RPS6KC1: variants seen among roughly 807,000 people sequenced by gnomAD.
RPS6KC1 encodes the protein ribosomal protein S6 kinase C1, also known as inactive ribosomal protein S6 kinase delta-1.
A neutral mutation model predicts 103.8 loss-of-function variants in RPS6KC1; 54 were observed. The ratio of observed to expected loss-of-function variants is 0.52; its 90% CI spans 0.42 to 0.65. The LOEUF (loss-of-function observed/expected upper bound fraction) is 0.65. Ranked by LOEUF, RPS6KC1 falls within the 30% of genes least tolerant of loss-of-function variation. The pLI is 0.00. For synonymous variants in RPS6KC1, 439 were observed against 438.7 expected (o/e 1.00, Z -0.01); for missense variants, 1,151 against 1,253.8 (o/e 0.92, Z 1.24).
chr1:213,855,715 C>T, the RPS6KC1 span, among the ~76,000 whole-genome samples: 1 of 152,238 alleles, frequency 6.6e-6, no homozygotes, highest in Non-Finnish European at 1.5e-5. Context: ...CACTGCAAAT[C>T]ACTGCTCCTT....
intron 3 of RPS6KC1, among the ~76,000 whole-genome samples, chr1:213,091,308 C>T (rs886826769): frequency 2.0e-5 from 3 of 152,024 alleles, no homozygotes; most frequent in Non-Finnish European, 4.4e-5. Context: ...GATCTGCCTG[C>T]CTCAGCCTCC....
chr1:213,779,378 C>G, the RPS6KC1 span, among the ~76,000 whole-genome samples: 575 of 152,310 alleles, frequency 3.8e-3, 3 homozygotes, highest in Non-Finnish European at 6.8e-3. Context: ...CACCCTGCTG[C>G]CTATCTAACT....
At chr1:213,324,613 T>C in the RPS6KC1 span, among the ~76,000 whole-genome samples, 1 of 150,446 alleles carries the variant, frequency 6.6e-6, no homozygotes, top group African/African-American at 2.5e-5. Flanking sequence ...TTTTTTTTTT[T>C]TTTTTAAGCT....
At chr1:213,449,892 C>A in the RPS6KC1 span, among the ~76,000 whole-genome samples, 1 of 152,188 alleles carries the variant, frequency 6.6e-6, no homozygotes, top group Non-Finnish European at 1.5e-5. Flanking sequence ...ACCTCCTATT[C>A]TTCAGAAATT....
chr1:213,369,287 C>T, the RPS6KC1 span, among the ~76,000 whole-genome samples: 2 of 152,310 alleles, frequency 1.3e-5, no homozygotes, highest in Non-Finnish European at 1.5e-5. Context: ...GACATTCTAC[C>T]ATTACATTGC....
At chr1:213,420,063 T>C in the RPS6KC1 span, among the ~76,000 whole-genome samples, 1 of 152,180 alleles carries the variant, frequency 6.6e-6, no homozygotes, top group Non-Finnish European at 1.5e-5. Context: ...GGAGCCTGAG[T>C]GCCTTGTCGA....
chr1:213,060,524 G>C (rs558799371), intron 1 of RPS6KC1, among the ~76,000 whole-genome samples: 241 of 152,202 alleles, frequency 1.6e-3, no homozygotes, highest in African/African-American at 5.6e-3. Context: ...TTTTTAACTT[G>C]TAATATTGTT....
At chr1:213,060,967 G>C (rs952346066) in intron 1 of RPS6KC1, among the ~76,000 whole-genome samples, 1 of 151,790 alleles carries the variant, frequency 6.6e-6, no homozygotes, top group African/African-American at 2.4e-5. Context: ...TGCAGGCTGG[G>C]AAGTCCAAGA....
At chr1:213,601,798 G>T in the RPS6KC1 span, among the ~76,000 whole-genome samples, 1 of 152,016 alleles carries the variant, frequency 6.6e-6, no homozygotes, top group Admixed American at 6.5e-5. Flanking sequence ...GAGTTTCTAA[G>T]AGGCTGGAGA....
chr1:213,612,407 A>G, the RPS6KC1 span, among the ~76,000 whole-genome samples: 1 of 152,158 alleles, frequency 6.6e-6, no homozygotes, highest in Non-Finnish European at 1.5e-5. Flanking sequence ...ACCATATGAC[A>G]TGGGGTAAGA....
the RPS6KC1 span, among the ~76,000 whole-genome samples, chr1:213,807,654 T>C: frequency 3.3e-5 from 5 of 152,106 alleles, no homozygotes; most frequent in Non-Finnish European, 7.3e-5. Flanking sequence ...CACTTCTCTG[T>C]ATTGGTTATT....
At position 213,272,570 on chromosome 1, in the gene RPS6KC1, G is replaced by C; in HGVS notation, c.3137G>C (p.Gly1046Ala). Residue 1046 changes from glycine (G) to alanine (A), a missense_variant, in exon 15 of 15, where the codon GGT becomes GCT. Physicochemically the swap from Gly to Ala is moderately conservative, Grantham distance 60 (BLOSUM62 0). Transcript: ENST00000366960. ...GAACGACTTGGTGCTGGAGTTGCTGGTGTTGAAGATATCAAATCTCATCCA... is the reference window on the plus strand; with the variant it reads ...GAACGACTTGGTGCTGGAGTTGCTGCTGTTGAAGATATCAAATCTCATCCA... Reference protein sequence around the residue: ...PLERLGAGVAGVEDIKSHPFF... With the variant: ...PLERLGAGVAAVEDIKSHPFF... 6.2e-7 allele frequency: 1 copy of C among 1,613,990 alleles called. No individual in the cohort carries two copies. Among genetic ancestry groups the C allele is most frequent in the East Asian group, 2.2e-5 (1 of 44,874 alleles).
chr1:213,571,362 T>C, the RPS6KC1 span, among the ~76,000 whole-genome samples: 4 of 152,152 alleles, frequency 2.6e-5, no homozygotes, highest in Non-Finnish European at 4.4e-5. Context: ...GGGGCTATGA[T>C]AGGTCTGGAG....
intron 6 of RPS6KC1, among the ~76,000 whole-genome samples, chr1:213,155,683 C>T (rs908036627): frequency 6.6e-6 from 1 of 152,076 alleles, no homozygotes; most frequent in Non-Finnish European, 1.5e-5. Context: ...TGTATCTTTT[C>T]AGTGCCCCTT....
chr1:213,118,957 C>T (rs765287954), intron 5 of RPS6KC1, among the ~76,000 whole-genome samples: 5 of 151,876 alleles, frequency 3.3e-5, no homozygotes, highest in African/African-American at 9.7e-5. Context: ...GAGATCCTTG[C>T]GAAGGTTTGG....
the RPS6KC1 span, among the ~76,000 whole-genome samples, chr1:213,290,771 C>T: frequency 2.6e-5 from 4 of 152,102 alleles, no homozygotes; most frequent in Admixed American, 2.0e-4. Context: ...CCATGGGGTG[C>T]GTGAGGGACC....
chr1:213,176,298 TATG>T, intron 7 of RPS6KC1, 99 bp from the exon 8 acceptor site: 1 of 585,880 alleles, frequency 1.7e-6, no homozygotes, highest in Non-Finnish European at 3.0e-6. Flanking sequence ...TTCTCTGATT[TATG>T]ATGAATTTAC....
intron 8 of RPS6KC1, among the ~76,000 whole-genome samples, chr1:213,229,814 A>G (rs2094047449): frequency 6.6e-6 from 1 of 152,156 alleles, no homozygotes; most frequent in African/African-American, 2.4e-5. Context: ...TTATGTTTTA[A>G]AAAGAAAACC....
chr1:213,372,440 G>A, the RPS6KC1 span, among the ~76,000 whole-genome samples: 43 of 152,200 alleles, frequency 2.8e-4, no homozygotes, highest in African/African-American at 1.0e-3. Context: ...CTGGCCTTAC[G>A]GGATTGGGCA....
Sources: gnomAD v4.1 joint callset for allele counts (sites outside exome capture counted in the v4.1 genomes callset) on GRCh38, gnomAD v4.1.1 for gene constraint, MANE v1.5 for transcripts, NCBI Gene and HGNC (gene_info 2026-07-23, HGNC 2026-07-21) for gene names.